The following SYNE3 variants were observed in gnomAD, a reference collection of about 807,000 sequenced individuals.
SYNE3 encodes the protein spectrin repeat containing nuclear envelope family member 3.
In SYNE3, 100 loss-of-function variants were observed where a neutral mutation model predicts 111.2. The ratio of observed to expected loss-of-function variants is 0.90; its 90% CI spans 0.77 to 1.06. The LOEUF (loss-of-function observed/expected upper bound fraction) is 1.06, where lower values mean the gene tolerates loss of function less well. Among genes scored for constraint, SYNE3 ranks in the 50% least tolerant of loss-of-function variants. SYNE3 has a pLI of 0.00. For synonymous variants in SYNE3, 547 were observed against 533.9 expected (o/e 1.02, Z -0.34); for missense variants, 1,160 against 1,240.3 (o/e 0.94, Z 0.97).
At chr14:95,450,206 G>T in intron 7 of SYNE3, 101 bp from the exon 8 acceptor site, 1 of 1,382,018 alleles carries the variant, frequency 7.2e-7, no homozygotes. Context: ...AGCATGCACT[G>T]CTCCCAGGGT....
intron 1 of SYNE3, among the ~76,000 whole-genome samples, chr14:95,490,237 T>C (rs147875252): frequency 6.6e-6 from 1 of 152,354 alleles, no homozygotes; most frequent in African/African-American, 2.4e-5. Flanking sequence ...TCTGGCAAGC[T>C]AAAGGCTAAT....
chr14:95,439,162 G>T lies in SYNE3; in HGVS notation c.2247C>A (p.Ser749Arg). Residue 749 changes from serine (S) to arginine (R), a missense_variant and splice_region_variant, in exon 14 of 18, where the codon AGC becomes AGA. Physicochemically the swap from Ser to Arg is moderately radical, Grantham distance 110. Transcript: ENST00000682763. ...ALRLLEESLL[S>R]LIRNWHLQRM... is the part of the protein sequence containing the mutation. Reference sequence around the variant, plus strand: ...TCTGCAGATGCCAGTTTCTGATGAGGCTGAGAAGACAAACTCAGCCCAGTC... The same window carrying T: ...TCTGCAGATGCCAGTTTCTGATGAGTCTGAGAAGACAAACTCAGCCCAGTC... The T allele has an allele frequency of 6.2e-7, 1 of 1,614,214 alleles. No individual in the cohort carries two copies. The highest frequency in any genetic ancestry group is 2.2e-5 in the East Asian group (1 of 44,888).
intron 15 of SYNE3, among the ~76,000 whole-genome samples, chr14:95,435,835 G>C (rs1342408781): frequency 6.6e-6 from 1 of 152,196 alleles, no homozygotes; most frequent in African/African-American, 2.4e-5. Flanking sequence ...GTTTTCATTA[G>C]GGGGAGGACA....
intron 3 of SYNE3, 40 bp downstream of exon 3, chr14:95,467,755 G>A: frequency 6.2e-7 from 1 of 1,611,514 alleles, no homozygotes; most frequent in South Asian, 1.1e-5. Flanking sequence ...GGGCAAGGAG[G>A]GTAAATGGCA....
intron 17 of SYNE3, among the ~76,000 whole-genome samples, chr14:95,427,581 C>T (rs1885508549): frequency 6.6e-6 from 1 of 152,140 alleles, no homozygotes; most frequent in Non-Finnish European, 1.5e-5. Context: ...CTCTCTCCCT[C>T]TCTCTCCCTC....
At chr14:95,482,217 T>C (rs951702136) in intron 1 of SYNE3, among the ~76,000 whole-genome samples, 1 of 152,188 alleles carries the variant, frequency 6.6e-6, no homozygotes, top group African/African-American at 2.4e-5. Flanking sequence ...GCGGATCACC[T>C]GAGGTCAGGA....
Position 95,443,177 on chromosome 14 carries a change from T to C in SYNE3, c.1889A>G (p.Gln630Arg). The change falls in exon 11 of 18, where the codon CAG (glutamine) becomes CGG (arginine). Residue 630 changes from glutamine (Q) to arginine (R), a missense_variant. Coordinates refer to ENST00000682763, the MANE Select transcript of SYNE3 (RefSeq NM_152592.6). The stretch of plus-strand genomic sequence containing the variant: ...TACCTCCAGAGACCTCTGCAGGGCC[T>C]GGAAGTCGGAGGAAAGCTGGTCCAT... The part of the protein sequence containing the change: ...HKMDQLSSDF[Q>R]ALQRSLEDLV... 6.2e-7 allele frequency: 1 copy of C among 1,614,022 alleles called. No homozygotes were observed. The highest frequency in any genetic ancestry group is 1.3e-5 in the African/African-American group (1 of 75,060).
intron 14 of SYNE3, chr14:95,437,675 T>G (rs1442142546): frequency 6.6e-6 from 1 of 152,246 alleles, no homozygotes; most frequent in Admixed American, 6.5e-5. Context: ...TGTTTGTTTG[T>G]TTTTTGTTTT....
rs1193110514 is a variant in SYNE3 at position 95,500,816 on chromosome 14, C to T, written c.-15+15780G>A. ...TACAGCTCCAAGGCCACCCACCCAA[C>T]TGGAAGAAGCAAACGGTCAGCACAC... On this transcript the variant is annotated intron_variant, in intron 1 of 17. Coordinates refer to ENST00000682763, the MANE Select transcript of SYNE3 (RefSeq NM_152592.6). This position sits in a 1 kb window ranked among gnomAD's most constrained non-coding sequence, Gnocchi z 4.7. 6.6e-6 allele frequency among the ~76,000 whole-genome samples: 1 copy of T among 152,224 alleles called. No homozygotes were observed. The highest frequency in any genetic ancestry group is 1.5e-5 in the Non-Finnish European group (1 of 68,038).
Position 95,409,240 on chromosome 14 carries a change from G to A in SYNE3, c.*8586C>T, listed in dbSNP as rs1566948540. 3 of 456,612 alleles carry A rather than the reference G, an allele frequency of 6.6e-6. No homozygotes were observed. Among genetic ancestry groups the A allele is most frequent in the Middle Eastern group, 3.2e-4 (1 of 3,098 alleles). 28.3% of individuals were successfully genotyped at this position (456,612 alleles called of 1,614,324 possible). Reference sequence around the variant, plus strand: ...CTAGCTGGCTGCTCTGAGGCAGGCTGCTGACCCTCTCCACACTCTGGTTTC... The same window carrying A: ...CTAGCTGGCTGCTCTGAGGCAGGCTACTGACCCTCTCCACACTCTGGTTTC... On this transcript the variant is annotated 3_prime_UTR_variant, in exon 18 of 18. Coordinates refer to ENST00000682763, the MANE Select transcript of SYNE3 (RefSeq NM_152592.6).
chr14:95,497,936 T>A (rs543800368), intron 1 of SYNE3, among the ~76,000 whole-genome samples: 8 of 151,506 alleles, frequency 5.3e-5, no homozygotes, highest in Middle Eastern at 3.4e-3. Context: ...CAGAAAGACC[T>A]CTTGAGCCCA....
Position 95,461,312 on chromosome 14 carries a change from G to A in SYNE3, c.628-3974C>T, listed in dbSNP as rs372642160. 1.9e-4 allele frequency among the ~76,000 whole-genome samples: 29 copies of A among 152,358 alleles called. No homozygotes were observed. The South Asian group carries it at 5.6e-3, about 29-fold the overall frequency. ...AGGGCCGCCACGGGAAGCAGCGGGG[G>A]TGAGGATGCTTCCATGTGCCTGCCT... On this transcript the variant is annotated intron_variant, in intron 4 of 17. Coordinates refer to ENST00000682763, the MANE Select transcript of SYNE3 (RefSeq NM_152592.6).
intron 17 of SYNE3, among the ~76,000 whole-genome samples, chr14:95,428,148 A>C (rs1377739872): frequency 6.6e-6 from 1 of 152,192 alleles, no homozygotes; most frequent in Non-Finnish European, 1.5e-5. Context: ...AGAGGAGGCA[A>C]GGAAATTCCA....
At chr14:95,464,914 T>C (rs1457659697) in intron 4 of SYNE3, among the ~76,000 whole-genome samples, 1 of 152,226 alleles carries the variant, frequency 6.6e-6, no homozygotes, top group African/African-American at 2.4e-5. Context: ...ATGTTTAGAA[T>C]GATTGCAAAT....
At chr14:95,449,909 C>A in intron 8 of SYNE3, 22 bp downstream of exon 8, 1 of 1,547,446 alleles carries the variant, frequency 6.5e-7, no homozygotes, top group Non-Finnish European at 8.7e-7. Flanking sequence ...CAGCCCCACC[C>A]AGTTGGCAGG....
chr14:95,495,380 C>T (rs1221798796), intron 1 of SYNE3, among the ~76,000 whole-genome samples: 2 of 152,208 alleles, frequency 1.3e-5, no homozygotes, highest in African/African-American at 2.4e-5. Context: ...GGTTCATCTG[C>T]GACCCTATGA....
intron 1 of SYNE3, among the ~76,000 whole-genome samples, chr14:95,481,081 A>G (rs1363633130): frequency 6.6e-6 from 1 of 152,204 alleles, no homozygotes; most frequent in East Asian, 1.9e-4. Flanking sequence ...CTGGTCAGTA[A>G]TAGGTGCGTG....
chr14:95,443,343 G>C, intron 10 of SYNE3, 54 bp from the exon 11 acceptor site: 1 of 1,607,774 alleles, frequency 6.2e-7, no homozygotes, highest in African/African-American at 1.3e-5. Context: ...CCCTCCCTTG[G>C]GGTGGCCGAT....
intron 8 of SYNE3, chr14:95,449,638 G>A (rs1886934966): frequency 1.0e-6 from 1 of 985,326 alleles, no homozygotes; most frequent in African/African-American, 1.7e-5. Context: ...GCAATGGCCT[G>A]AGAACGCTGC....
Sources: gnomAD v4.1 joint callset for allele counts (sites outside exome capture counted in the v4.1 genomes callset) on GRCh38, gnomAD v4.1.1 for gene constraint, Gnocchi (gnomAD v3.1) non-coding constraint, MANE v1.5 for transcripts, NCBI Gene and HGNC (gene_info 2026-07-23, HGNC 2026-07-21) for gene names.